The following SCRG1 variants were observed in gnomAD, a reference collection of about 807,000 sequenced individuals.
The protein encoded by SCRG1 is scrapie-responsive protein 1.
In SCRG1, 3 loss-of-function variants were observed where a neutral mutation model predicts 7.7. The ratio of observed to expected loss-of-function variants is 0.39; its 90% CI spans 0.18 to 1.01. The LOEUF is 1.01. Among genes scored for constraint, SCRG1 ranks in the 50% least tolerant of loss-of-function variants. The pLI, the probability that SCRG1 is intolerant of heterozygous loss-of-function variation, is 0.36. For synonymous variants in SCRG1, 46 were observed against 41.2 expected (o/e 1.12, Z -0.44); for missense variants, 110 against 117.2 (o/e 0.94, Z 0.28).
the SCRG1 span, among the ~76,000 whole-genome samples, chr4:173,478,931 C>T: frequency 6.6e-6 from 1 of 152,126 alleles, no homozygotes; most frequent in Non-Finnish European, 1.5e-5. Flanking sequence ...GTCTTTTGAC[C>T]TGCTTAAAAA....
the SCRG1 span, among the ~76,000 whole-genome samples, chr4:173,484,441 GATATATAATATATATTATATA>G: frequency 3.4e-5 from 1 of 29,334 alleles, no homozygotes; most frequent in Non-Finnish European, 6.4e-5. Context: ...ATATACATAT[GATATATAATATATATTATATA>G]CATATAATAT....
At chr4:173,518,068 A>C in the SCRG1 span, among the ~76,000 whole-genome samples, 1 of 152,264 alleles carries the variant, frequency 6.6e-6, no homozygotes, top group African/African-American at 2.4e-5. Context: ...ATCTTGAAGA[A>C]AAAAGAAATT....
chr4:173,448,802 C>T, the SCRG1 span, among the ~76,000 whole-genome samples: 1 of 152,154 alleles, frequency 6.6e-6, no homozygotes, highest in East Asian at 1.9e-4. Flanking sequence ...AGCTGCTCTG[C>T]AGTAGTTTAA....
the SCRG1 span, among the ~76,000 whole-genome samples, chr4:173,500,550 G>T: frequency 1.3e-5 from 2 of 152,076 alleles, no homozygotes; most frequent in South Asian, 2.1e-4. Flanking sequence ...CGCGATCAAG[G>T]CTCGCTGCGC....
intron 1 of SCRG1, among the ~76,000 whole-genome samples, chr4:173,397,590 A>G (rs1739641890): frequency 1.3e-5 from 2 of 152,230 alleles, no homozygotes; most frequent in Non-Finnish European, 2.9e-5. Flanking sequence ...ATTTCCAACT[A>G]AACAATAAAT....
chr4:173,505,066 A>G, the SCRG1 span, among the ~76,000 whole-genome samples: 1 of 152,226 alleles, frequency 6.6e-6, no homozygotes, highest in Non-Finnish European at 1.5e-5. This position sits in a 1 kb window ranked among gnomAD's most constrained non-coding sequence, Gnocchi z 4.4. Flanking sequence ...TGTAAAATGA[A>G]TTAGTATAAC....
the SCRG1 span, among the ~76,000 whole-genome samples, chr4:173,510,763 C>T: frequency 1.3e-5 from 2 of 152,134 alleles, no homozygotes; most frequent in Admixed American, 1.3e-4. This position sits in a 1 kb window ranked among gnomAD's most constrained non-coding sequence, Gnocchi z 5.7. Flanking sequence ...TGTCCTCCAT[C>T]CCGCCTCCGC....
the SCRG1 span, among the ~76,000 whole-genome samples, chr4:173,481,555 G>T: frequency 1.3e-5 from 2 of 152,002 alleles, no homozygotes; most frequent in African/African-American, 4.8e-5. Context: ...GTTACATTAA[G>T]TGTGTCTGGC....
the SCRG1 span, among the ~76,000 whole-genome samples, chr4:173,484,850 TAA>T: frequency 4.1e-4 from 34 of 83,564 alleles, no homozygotes; most frequent in African/African-American, 1.6e-3. Context: ...ATATTATATA[TAA>T]TATATATTAT....
At chr4:173,485,534 G>A in the SCRG1 span, among the ~76,000 whole-genome samples, 1 of 151,818 alleles carries the variant, frequency 6.6e-6, no homozygotes, top group African/African-American at 2.4e-5. Context: ...GCAGAATTAC[G>A]AGCAATTTAA....
upstream of SCRG1, among the ~76,000 whole-genome samples, chr4:173,401,341 A>G (rs1156497971): frequency 1.3e-5 from 2 of 152,250 alleles, no homozygotes; most frequent in African/African-American, 4.8e-5. Flanking sequence ...TTAAATGTAT[A>G]TAAATATGTG....
At chr4:173,419,249 C>T in the SCRG1 span, 1 of 523,790 alleles carries the variant, frequency 1.9e-6, no homozygotes, top group Non-Finnish European at 3.4e-6. Flanking sequence ...TTTGGTTTAG[C>T]TCTCGGCAGC....
the SCRG1 span, among the ~76,000 whole-genome samples, chr4:173,456,109 G>T: frequency 1.3e-5 from 2 of 152,260 alleles, no homozygotes; most frequent in East Asian, 3.9e-4. Context: ...AGACATTCAA[G>T]CCTTGACATC....
At chr4:173,493,616 GAAAA>G in the SCRG1 span, among the ~76,000 whole-genome samples, 1 of 95,688 alleles carries the variant, frequency 1.0e-5, no homozygotes, top group Non-Finnish European at 2.2e-5. Flanking sequence ...GACTCAGTCA[GAAAA>G]AAAAAAAAAA....
the SCRG1 span, among the ~76,000 whole-genome samples, chr4:173,464,413 C>A: frequency 1.3e-5 from 2 of 152,098 alleles, no homozygotes; most frequent in Non-Finnish European, 2.9e-5. Context: ...CTAATTGTAC[C>A]TTCTCAATTA....
At chr4:173,423,152 C>A in the SCRG1 span, among the ~76,000 whole-genome samples, 1 of 152,118 alleles carries the variant, frequency 6.6e-6, no homozygotes, top group South Asian at 2.1e-4. Context: ...ACTAAGTGTA[C>A]ATTTTCTTAA....
the SCRG1 span, among the ~76,000 whole-genome samples, chr4:173,493,718 A>G: frequency 1.3e-5 from 2 of 152,018 alleles, no homozygotes; most frequent in African/African-American, 4.8e-5. Flanking sequence ...TCATTTCAGT[A>G]AAAATCTTAA....
the SCRG1 span, among the ~76,000 whole-genome samples, chr4:173,421,687 T>C: frequency 6.6e-6 from 1 of 152,318 alleles, no homozygotes; most frequent in East Asian, 1.9e-4. Context: ...AAATGTAAGA[T>C]GCCATATTTG....
In SCRG1 at chr4:173,385,947, A is replaced by G. The variant is rs967054843; in HGVS notation, c.*2394T>C. 6.6e-5 allele frequency: 10 copies of G among 152,192 alleles called. No individual in the cohort carries two copies. Among genetic ancestry groups the G allele is most frequent in the African/African-American group, 2.4e-4 (10 of 41,448 alleles). The allele number at this position is 152,192 out of a possible 1,614,324, so 9.4% of individuals were successfully genotyped here. A position where few individuals can be genotyped will look rare whatever the true frequency, so the allele number is the denominator to read the frequency against. ...CCAGAATGGATATGAAACTTTCATT[A>G]TTGAGTTAGGCTGATTTCATTACCA... On this transcript the variant is annotated 3_prime_UTR_variant, in exon 3 of 3. Coordinates refer to ENST00000296506, the MANE Select transcript of SCRG1 (RefSeq NM_007281.4).
Sources: allele counts gnomAD v4.1 joint callset (sites outside exome capture counted in the v4.1 genomes callset), GRCh38; gene constraint gnomAD v4.1.1; non-coding constraint Gnocchi (gnomAD v3.1); transcripts MANE v1.5; gene names NCBI Gene and HGNC (gene_info 2026-07-23, HGNC 2026-07-21).